Variants in NOS1AP observed in about 807,000 individuals in gnomAD.
The protein encoded by NOS1AP is nitric oxide synthase 1 adaptor protein, also known as carboxyl-terminal PDZ ligand of neuronal nitric oxide synthase protein.
In NOS1AP, 21 loss-of-function variants were observed where a neutral mutation model predicts 56.2. That is an observed-to-expected ratio of 0.37 (90% CI 0.26 to 0.54). The LOEUF (loss-of-function observed/expected upper bound fraction) is 0.54, where lower values mean the gene tolerates loss of function less well. Ranked by LOEUF, NOS1AP falls within the 20% of genes least tolerant of loss-of-function variation. The pLI is 0.84. For synonymous variants in NOS1AP, 270 were observed against 274.6 expected (o/e 0.98, Z 0.17); for missense variants, 522 against 657.8 (o/e 0.79, Z 2.26).
chr1:162,086,025 T>C (rs907611624), intron 1 of NOS1AP, among the ~76,000 whole-genome samples: 5 of 152,136 alleles, frequency 3.3e-5, no homozygotes, highest in African/African-American at 4.8e-5. Flanking sequence ...GCTTTGGTGC[T>C]GAAATGAGGT....
At chr1:162,197,833 T>C (rs1004942231) in intron 2 of NOS1AP, among the ~76,000 whole-genome samples, 2 of 152,250 alleles carry the variant, frequency 1.3e-5, no homozygotes, top group Non-Finnish European at 2.9e-5. Flanking sequence ...GCTACAGGAC[T>C]GAGAGTGTCC....
chr1:162,083,761 C>G (rs1481096156), intron 1 of NOS1AP, among the ~76,000 whole-genome samples: 2 of 152,138 alleles, frequency 1.3e-5, no homozygotes, highest in African/African-American at 4.8e-5. Context: ...TGTTTTCAGT[C>G]TTTGGAGTAA....
At chr1:162,240,196 T>G (rs1653445549) in intron 2 of NOS1AP, among the ~76,000 whole-genome samples, 1 of 152,074 alleles carries the variant, frequency 6.6e-6, no homozygotes, top group South Asian at 2.1e-4. Flanking sequence ...GGGGCCTCAC[T>G]GACTTCCATG....
At chr1:162,153,376 G>GACCCA (rs1649800712) in intron 1 of NOS1AP, among the ~76,000 whole-genome samples, 2 of 152,144 alleles carry the variant, frequency 1.3e-5, no homozygotes, top group Non-Finnish European at 2.9e-5. Flanking sequence ...TGGTCTCCTT[G>GACCCA]CCTCAGCCTC....
At chr1:162,142,417 CGT>C (rs960523392) in intron 1 of NOS1AP, among the ~76,000 whole-genome samples, 1 of 151,658 alleles carries the variant, frequency 6.6e-6, no homozygotes, top group Non-Finnish European at 1.5e-5. Context: ...TGTGTTTCTG[CGT>C]GTGTGTGTGT....
At chr1:162,116,141 C>T (rs1647939912) in intron 1 of NOS1AP, among the ~76,000 whole-genome samples, 1 of 152,182 alleles carries the variant, frequency 6.6e-6, no homozygotes, top group Non-Finnish European at 1.5e-5. Context: ...CCCCTGGCCT[C>T]TGAAGTGTGA....
rs1409905363 is a variant in NOS1AP, at chr1:162,289,466, TTTC to T, written c.270+2033_270+2035del. Among the ~76,000 whole-genome samples the T allele has an allele frequency of 9.4e-3, 467 of 49,532 alleles. 106 individuals carry two copies. Among genetic ancestry groups the T allele is most frequent in the African/African-American group, 0.025 (310 of 12,280 alleles). The allele number at this position is 49,532 out of a possible 152,430, so 32.5% of individuals were successfully genotyped here. ...GCGCCTGCCACCACGCCCAGCTACTTTTCTTTTTTTTTTTTTTTTTTTTTTTGA... is the reference window on the plus strand; with the variant it reads ...GCGCCTGCCACCACGCCCAGCTACTTTTTTTTTTTTTTTTTTTTTTTTTGA... On this transcript the variant is annotated intron_variant, in intron 3 of 9. Coordinates refer to ENST00000361897, the MANE Select transcript of NOS1AP (RefSeq NM_014697.3).
chr1:162,102,424 C>T (rs1647323690), intron 1 of NOS1AP, among the ~76,000 whole-genome samples: 1 of 152,172 alleles, frequency 6.6e-6, no homozygotes, highest in South Asian at 2.1e-4. Flanking sequence ...TGTTGTATCT[C>T]TGCCAGGTTT....
chr1:162,172,078 C>A (rs930357595), intron 2 of NOS1AP, among the ~76,000 whole-genome samples: 3 of 152,148 alleles, frequency 2.0e-5, no homozygotes, highest in African/African-American at 2.4e-5. Context: ...CTTCCCCAGG[C>A]CTTACTCAGC....
intron 2 of NOS1AP, among the ~76,000 whole-genome samples, chr1:162,199,702 C>A (rs888929925): frequency 6.6e-6 from 1 of 151,590 alleles, no homozygotes; most frequent in Non-Finnish European, 1.5e-5. Context: ...AACCACCACC[C>A]TTAACAGCCA....
chr1:162,314,929 A>G (rs764770967), intron 4 of NOS1AP, among the ~76,000 whole-genome samples: 13 of 152,234 alleles, frequency 8.5e-5, no homozygotes, highest in Non-Finnish European at 1.3e-4. Flanking sequence ...AAACAAACCA[A>G]TCTAACTTTA....
intron 1 of NOS1AP, among the ~76,000 whole-genome samples, chr1:162,070,733 A>G (rs1253946063): frequency 6.6e-6 from 1 of 152,140 alleles, no homozygotes; most frequent in Non-Finnish European, 1.5e-5. Context: ...TCCTAATTGA[A>G]GAAAAGAATC....
chr1:162,097,898 CGT>C (rs1692284305), intron 1 of NOS1AP, among the ~76,000 whole-genome samples: 1 of 150,390 alleles, frequency 6.6e-6, no homozygotes, highest in African/African-American at 2.5e-5. Context: ...TATATTTATT[CGT>C]TTTTTTTCTT....
At chr1:162,360,426 G>A (rs1657863439) in intron 8 of NOS1AP, 2 of 178,294 alleles carry the variant, frequency 1.1e-5, no homozygotes, top group South Asian at 1.3e-4. Context: ...CATGGGCTGG[G>A]CCGACATAGT....
intron 1 of NOS1AP, among the ~76,000 whole-genome samples, chr1:162,103,889 G>A (rs749855225): frequency 1.3e-5 from 2 of 152,094 alleles, no homozygotes; most frequent in South Asian, 2.1e-4. Context: ...TTTAATTGGG[G>A]CATTTAGCCC....
At chr1:162,144,178 A>G (rs1362617420) in intron 1 of NOS1AP, among the ~76,000 whole-genome samples, 2 of 152,214 alleles carry the variant, frequency 1.3e-5, no homozygotes, top group African/African-American at 4.8e-5. Context: ...GTCCATACAC[A>G]GGCATCCTCA....
Position 162,102,697 on chromosome 1 carries a change from C to T in NOS1AP, c.105+32415C>T, listed in dbSNP as rs1475201722. Among the ~76,000 whole-genome samples the T allele has an allele frequency of 2.6e-5, 4 of 151,916 alleles. No homozygotes were observed. The South Asian group carries it at 8.3e-4, about 31-fold the overall frequency. ...ATGTGTCCAGGAATTTATCAATTTC[C>T]TCTAGTTTTTCTAGTTTATTTGCAT... On this transcript the variant is annotated intron_variant, in intron 1 of 9. Coordinates refer to ENST00000361897, the MANE Select transcript of NOS1AP (RefSeq NM_014697.3).
chr1:162,149,747 G>T (rs924727183), intron 1 of NOS1AP, among the ~76,000 whole-genome samples: 7 of 152,194 alleles, frequency 4.6e-5, no homozygotes, highest in African/African-American at 1.7e-4. Flanking sequence ...TGCAGCTATA[G>T]CGAAAACAGG....
intron 6 of NOS1AP, among the ~76,000 whole-genome samples, chr1:162,351,834 T>G (rs745856421): frequency 2.3e-4 from 35 of 152,162 alleles, no homozygotes; most frequent in Non-Finnish European, 4.4e-5. Flanking sequence ...CTCCCAGTCT[T>G]TCTGTCCACT....
Sources: gnomAD v4.1 joint callset for allele counts (sites outside exome capture counted in the v4.1 genomes callset) on GRCh38, gnomAD v4.1.1 for gene constraint, MANE v1.5 for transcripts, NCBI Gene and HGNC (gene_info 2026-07-23, HGNC 2026-07-21) for gene names.